CPED1: variants seen among roughly 807,000 people sequenced by gnomAD.
CPED1 encodes the protein cadherin like and PC-esterase domain containing 1, also known as cadherin-like and PC-esterase domain-containing protein 1.
Under a neutral mutation model 128.2 loss-of-function variants are expected in CPED1, and 114 were observed. That is an observed-to-expected ratio of 0.89 (90% CI 0.76 to 1.04). The LOEUF is 1.04. Among genes scored for constraint, CPED1 ranks in the 50% least tolerant of loss-of-function variants. The pLI is 0.00. For missense variants in CPED1, 1,211 were observed against 1,207.1 expected (o/e 1.00, Z -0.05); for synonymous variants, 462 against 426.7 (o/e 1.08, Z -1.02).
intron 5 of CPED1, among the ~76,000 whole-genome samples, chr7:121,078,362 T>C (rs1185547425): frequency 3.9e-5 from 6 of 152,166 alleles, no homozygotes; most frequent in Admixed American, 3.3e-4. Flanking sequence ...TTTTAATTTT[T>C]AGTGGAGCAT....
chr7:121,266,430 T>G lies in CPED1; in HGVS notation c.2514T>G (p.Leu838=). ...TGAGACCAACATTTGAAAATGCACT[T>G]GAACACCTCTTGCAAAGGTACAATG... The part of the protein sequence containing the change: ...PSLRPTFENA[L]EHLLQRSRPL... The change falls in exon 19 of 23, where the codon CTT becomes CTG. Residue 838 remains leucine (L), a synonymous_variant. Coordinates refer to ENST00000310396, the MANE Select transcript of CPED1 (RefSeq NM_024913.5). The G allele has an allele frequency of 6.2e-7, 1 of 1,612,180 alleles. No homozygotes were observed. The highest frequency in any genetic ancestry group is 8.5e-7 in the Non-Finnish European group (1 of 1,178,582).
At chr7:121,025,849 T>C (rs1404807429) in intron 3 of CPED1, among the ~76,000 whole-genome samples, 1 of 152,186 alleles carries the variant, frequency 6.6e-6, no homozygotes, top group Non-Finnish European at 1.5e-5. Flanking sequence ...TTGTCTCCTA[T>C]GGGCAGAATT....
chr7:121,080,334 G>A (rs76258139), intron 5 of CPED1, among the ~76,000 whole-genome samples: 2,649 of 152,074 alleles, frequency 0.017, 81 homozygotes, highest in African/African-American at 0.06. Flanking sequence ...CTAATACATC[G>A]CCCAGTGATT....
chr7:121,038,970 AG>A (rs139008934), intron 3 of CPED1, among the ~76,000 whole-genome samples: 69 of 152,194 alleles, frequency 4.5e-4, no homozygotes, highest in African/African-American at 1.3e-3. Context: ...TATCTGACTG[AG>A]GTAATGTTTG....
chr7:121,071,910 C>T (rs1421991872), intron 5 of CPED1, among the ~76,000 whole-genome samples: 2 of 152,146 alleles, frequency 1.3e-5, no homozygotes, highest in African/African-American at 4.8e-5. Flanking sequence ...CCACAACTGT[C>T]TCTGGAAGCT....
At chr7:121,171,236 T>A (rs1796643591) in intron 16 of CPED1, among the ~76,000 whole-genome samples, 1 of 152,208 alleles carries the variant, frequency 6.6e-6, no homozygotes, top group African/African-American at 2.4e-5. Flanking sequence ...AATGTCTCTA[T>A]GCCAAAACAT....
chr7:121,059,992 C>G (rs980179175), intron 4 of CPED1, among the ~76,000 whole-genome samples: 11 of 152,092 alleles, frequency 7.2e-5, no homozygotes, highest in Admixed American at 7.2e-4. Flanking sequence ...AGCGGGAACC[C>G]GGGCTGCGCG....
At chr7:121,229,676 C>A (rs1798094094) in intron 16 of CPED1, among the ~76,000 whole-genome samples, 1 of 151,938 alleles carries the variant, frequency 6.6e-6, no homozygotes. Flanking sequence ...TTGTTTGTGG[C>A]AGGAGCTGAT....
intron 3 of CPED1, among the ~76,000 whole-genome samples, chr7:121,027,244 A>G (rs1029863322): frequency 6.6e-6 from 1 of 151,944 alleles, no homozygotes; most frequent in African/African-American, 2.4e-5. Context: ...CACATTATTC[A>G]TATATCTCTG....
At chr7:121,142,311 T>C (rs1204741510) in intron 16 of CPED1, among the ~76,000 whole-genome samples, 170 bp downstream of exon 16, 1 of 152,010 alleles carries the variant, frequency 6.6e-6, no homozygotes, top group East Asian at 1.9e-4. Context: ...CACCTCGTTG[T>C]GAGTGATTTT....
intron 16 of CPED1, among the ~76,000 whole-genome samples, chr7:121,171,440 T>C (rs1796647193): frequency 6.6e-6 from 1 of 152,218 alleles, no homozygotes; most frequent in Admixed American, 6.5e-5. Flanking sequence ...TGTATCTTCA[T>C]TGGCAGCATA....
At chr7:121,000,475 A>G (rs562324018) in intron 2 of CPED1, among the ~76,000 whole-genome samples, 1 of 152,294 alleles carries the variant, frequency 6.6e-6, no homozygotes, top group South Asian at 2.1e-4. Context: ...AGGGGTATTT[A>G]CGATCCAAAA....
At position 121,225,770 on chromosome 7, in the gene CPED1, G is replaced by A. The variant is rs573751757; in HGVS notation, c.2056-10944G>A. ...TACCCTTCTTCTACTTCATCGAATCGGGTATTGAAGCTTGTGTATGCATCA... is the reference window on the plus strand; with the variant it reads ...TACCCTTCTTCTACTTCATCGAATCAGGTATTGAAGCTTGTGTATGCATCA... On this transcript the variant is annotated intron_variant, in intron 16 of 22. Coordinates refer to ENST00000310396, the MANE Select transcript of CPED1 (RefSeq NM_024913.5). Among the ~76,000 whole-genome samples the A allele has an allele frequency of 8.6e-5, 13 of 151,914 alleles. No homozygotes were observed. In the South Asian group the frequency reaches 1.2e-3, roughly 15 times the overall value.
At position 121,158,510 on chromosome 7, in the gene CPED1, G is replaced by A. The variant is rs190891607; in HGVS notation, c.2055+16369G>A. Reference sequence around the variant, plus strand: ...TCCTCTTGGCTCTTAACATAGTCTAGCTCCTTAGAAGAAACATTTCAGGTT... The same window carrying A: ...TCCTCTTGGCTCTTAACATAGTCTAACTCCTTAGAAGAAACATTTCAGGTT... On this transcript the variant is annotated intron_variant, in intron 16 of 22. Transcript: ENST00000310396. Among the ~76,000 whole-genome samples the A allele has an allele frequency of 3.3e-5, 5 of 151,040 alleles. No homozygotes were observed. The East Asian group carries it at 9.7e-4, about 29-fold the overall frequency.
intron 7 of CPED1, among the ~76,000 whole-genome samples, chr7:121,102,527 G>GA (rs1427874106): frequency 3.9e-5 from 6 of 152,112 alleles, no homozygotes; most frequent in South Asian, 2.1e-4. Flanking sequence ...AAAGCACAGG[G>GA]AGGAAGCACA....
At chr7:121,082,125 G>T (rs1239055888) in intron 5 of CPED1, among the ~76,000 whole-genome samples, 1 of 152,114 alleles carries the variant, frequency 6.6e-6, no homozygotes, top group East Asian at 1.9e-4. Flanking sequence ...GCTAAATATA[G>T]TCATGCAACT....
chr7:121,280,600 G>A (rs1792443449), intron 22 of CPED1, among the ~76,000 whole-genome samples: 1 of 152,132 alleles, frequency 6.6e-6, no homozygotes, highest in Non-Finnish European at 1.5e-5. Context: ...CTAATCCCCA[G>A]CATCTTTGAC....
At chr7:121,249,878 T>C (rs961311733) in intron 18 of CPED1, among the ~76,000 whole-genome samples, 2 of 152,086 alleles carry the variant, frequency 1.3e-5, no homozygotes, top group Non-Finnish European at 2.9e-5. Flanking sequence ...AATGGGAGAA[T>C]TTAACACCCC....
At chr7:121,001,098 T>C (rs1241359025) in intron 2 of CPED1, among the ~76,000 whole-genome samples, 1 of 152,182 alleles carries the variant, frequency 6.6e-6, no homozygotes, top group Non-Finnish European at 1.5e-5. Context: ...TATTTTTGAT[T>C]GTCACCCTGT....
Sources: allele counts gnomAD v4.1 joint callset (sites outside exome capture counted in the v4.1 genomes callset), GRCh38; gene constraint gnomAD v4.1.1; transcripts MANE v1.5; gene names NCBI Gene and HGNC (gene_info 2026-07-23, HGNC 2026-07-21).